The following TTN variants were observed in gnomAD, a reference collection of about 807,000 sequenced individuals.
The protein encoded by TTN is connectin.
TTN carries 1,525 observed loss-of-function variants against 3,223.0 expected under a neutral mutation model. The observed-to-expected ratio is 0.47, with a 90% CI of 0.45 to 0.49. TTN has a LOEUF of 0.49. TTN is among the 20% of genes least tolerant of loss of function. The pLI, the probability that TTN is intolerant of heterozygous loss-of-function variation, is 0.00. For synonymous variants in TTN, 14,094 were observed against 15,161.0 expected, an observed-to-expected ratio of 0.93 and a Z score of 5.17; for missense variants, 40,786 against 43,424.0, an observed-to-expected ratio of 0.94 and a Z score of 5.40.
rs764053971 is a variant in TTN at position 178,571,655 on chromosome 2, A to T, written c.74477T>A (p.Ile24826Asn). The stretch of plus-strand genomic sequence containing the variant: ...CTTGGGTGGGCCCCAGGAAAGAGTA[A>T]TACTATCAGCTGTCACTTCATCCAT... ...VKMDEVTADS[I>N]TLSWGPPKYD... The change falls in exon 326 of 363, where the codon ATT becomes AAT. Residue 24826 changes from isoleucine to asparagine, a missense_variant. Transcript: ENST00000589042. 1 of 1,613,420 alleles carries T rather than the reference A, an allele frequency of 6.2e-7. No homozygotes were observed. Among genetic ancestry groups the T allele is most frequent in the South Asian group, 1.1e-5 (1 of 91,068 alleles).
At position 178,741,628 on chromosome 2, in the gene TTN, C is replaced by G. The variant is rs747929496; in HGVS notation, c.11605G>C (p.Val3869Leu). The G allele has an allele frequency of 6.8e-6, 11 of 1,613,826 alleles. No individual in the cohort carries two copies. The highest frequency in any genetic ancestry group is 8.5e-6 in the Non-Finnish European group (10 of 1,179,794). The change falls in exon 48 of 363, where the codon GTT becomes CTT. Residue 3869 changes from valine (V) to leucine (L), a missense_variant. Coordinates refer to ENST00000589042, the MANE Select transcript of TTN (RefSeq NM_001267550.2). ...LLTPSADYKF[V>L]FDGDDHSLII... is the part of the protein sequence containing the mutation. ...AGGCTATGATCATCACCGTCAAAAA[C>G]AAATTTGTAGTCAGCAGAAGGGGTT...
chr2:178,663,974 A>C, intron 169 of TTN, 41 bp downstream of exon 169: 1 of 1,612,122 alleles, frequency 6.2e-7, no homozygotes, highest in South Asian at 1.1e-5. Context: ...TCAAGAGCAG[A>C]AGAATTAGGT....
In TTN at chr2:178,575,858, C is replaced by T; in HGVS notation, c.70274G>A (p.Ser23425Asn). The T allele has an allele frequency of 6.2e-7, 1 of 1,613,584 alleles. No homozygotes were observed. The highest frequency in any genetic ancestry group is 8.5e-7 in the Non-Finnish European group (1 of 1,179,622). Residue 23425 changes from serine to asparagine, a missense_variant, in exon 326 of 363, where the codon AGT (serine) becomes AAT (asparagine). Transcript: ENST00000589042. This position sits in a 1 kb window ranked among gnomAD's most constrained non-coding sequence, Gnocchi z 4.0. ...CAAGACTCTGACGTTCACAAAGCCA[C>T]TTTTCTTCCCAGCCGGGTTTTCAAT... ...MTIENPAGKK[S>N]GFVNVRVLDT...
At chr2:178,757,456 A>T in intron 45 of TTN, 86 bp downstream of exon 45, 1 of 1,454,832 alleles carries the variant, frequency 6.9e-7, no homozygotes, top group Non-Finnish European at 9.1e-7. Context: ...GTATGCAATA[A>T]AACAAACAGC....
rs11899887 is a variant in TTN, at chr2:178,741,650, G to T, written c.11583C>A (p.Thr3861=). ...AAACAAATTTGTAGTCAGCAGAAGGGGTTAATAGCACTCCATTAAAGAACC... is the reference window on the plus strand; with the variant it reads ...AAACAAATTTGTAGTCAGCAGAAGGTGTTAATAGCACTCCATTAAAGAACC... ...IQWFFNGVLL[T]PSADYKFVFD... The change falls in exon 48 of 363, where the codon ACC becomes ACA. Residue 3861 remains threonine (T), a synonymous_variant. Coordinates refer to ENST00000589042, the MANE Select transcript of TTN (RefSeq NM_001267550.2). The T allele has an allele frequency of 1.2e-6, 2 of 1,613,634 alleles. No homozygotes were observed. The highest frequency in any genetic ancestry group is 1.7e-5 in the Admixed American group (1 of 59,974).
rs982322225 is a variant in TTN at position 178,553,589 on chromosome 2, A to C, written c.89416T>G (p.Tyr29806Asp). ...TTTACAGCAGATACCCGGAAGTAGT[A>C]ATTGACTCCAGGTTTCAGGTTGGAT... Reference protein sequence around the residue: ...VVSNLKPGVNYYFRVSAVNCA... With the variant: ...VVSNLKPGVNDYFRVSAVNCA... Residue 29806 changes from tyrosine to aspartate, a missense_variant, in exon 334 of 363, where the codon TAC (tyrosine) becomes GAC (aspartate). Transcript: ENST00000589042. 1 of 1,613,872 alleles carries C rather than the reference A, an allele frequency of 6.2e-7. No individual in the cohort carries two copies. Among genetic ancestry groups the C allele is most frequent in the Admixed American group, 1.7e-5 (1 of 60,018 alleles).
rs1206527 is a variant in TTN at position 178,549,074 on chromosome 2, A to C, written c.92552T>G (p.Met30851Arg). 9 of 1,613,760 alleles carry C rather than the reference A, an allele frequency of 5.6e-6. No individual in the cohort carries two copies. The African/African-American group carries it at 1.2e-4, about 22-fold the overall frequency. Residue 30851 changes from methionine (M) to arginine (R), a missense_variant, in exon 339 of 363, where the codon ATG becomes AGG. Met to Arg is a moderately conservative substitution (Grantham distance 91). Coordinates refer to ENST00000589042, the MANE Select transcript of TTN (RefSeq NM_001267550.2). ...TTCAATAATATACCCAATTATTTCC[A>C]TGCCACCATCAAACACTGGTTTGGA... ...EWSKPVFDGG[M>R]EIIGYIIEMC...
rs771448420 is a variant in TTN, at chr2:178,537,222, C to T, written c.99887G>A (p.Gly33296Glu). Residue 33296 changes from glycine to glutamate, a missense_variant, in exon 356 of 363, where the codon GGA (glycine) becomes GAA (glutamate). Coordinates refer to ENST00000589042, the MANE Select transcript of TTN (RefSeq NM_001267550.2). The stretch of plus-strand genomic sequence containing the variant: ...CAATAGAGCTTCGATCACAATTGGT[C>T]CTGTAGGTTTGTCTGGTTTATCTGT... ...EIQDKPDKPT[G>E]PIVIEALLKN... 1.2e-6 allele frequency: 2 copies of T among 1,602,550 alleles called. No homozygotes were observed. Among genetic ancestry groups the T allele is most frequent in the Non-Finnish European group, 1.7e-6 (2 of 1,172,176 alleles).
rs72646829 is a variant in TTN at position 178,598,695 on chromosome 2, A to G, written c.56963-41T>C. ...ATACGTTAGTATTCTTGACTTTTCC[A>G]AGGCACTTTTGGAAAATAAGATTTA... is the stretch of plus-strand genomic sequence containing the variant. On this transcript the variant is annotated intron_variant, in intron 291 of 362. Transcript: ENST00000589042. The G allele has an allele frequency of 7.5e-3, 11,996 of 1,601,890 alleles. 53 individuals carry two copies. The highest frequency in any genetic ancestry group is 9.0e-3 in the Non-Finnish European group (10,548 of 1,176,714).
Position 178,552,483 on chromosome 2 carries a change from T to C in TTN, c.90417A>G (p.Ala30139=). 6.2e-7 allele frequency: 1 copy of C among 1,612,130 alleles called. No individual in the cohort carries two copies. Residue 30139 remains alanine, a synonymous_variant, in exon 335 of 363, where the codon GCA becomes GCG. Transcript: ENST00000589042. ...PEVDLSDIPG[A]QVTVRIGHNV... ...TGTGCCCAATTCTCACAGTGACTTG[T>C]GCCCCAGGGATATCTGACAGGTCAA...
At position 178,528,381 on chromosome 2, in the gene TTN, T is replaced by C. The variant is rs932225386; in HGVS notation, c.107270A>G (p.Tyr35757Cys). Residue 35757 changes from tyrosine to cysteine, a missense_variant, in exon 361 of 363, where the codon TAC (tyrosine) becomes TGC (cysteine). Transcript: ENST00000589042. ...NVSISRSRNVYSLEIRNASVS... is the reference protein window; with the variant it reads ...NVSISRSRNVCSLEIRNASVS... ...TGATGCATTTCGGATTTCAAGGGAGTATACATTTCTGGAGCGGCTTATGCT... is the reference window on the plus strand; with the variant it reads ...TGATGCATTTCGGATTTCAAGGGAGCATACATTTCTGGAGCGGCTTATGCT... 3 of 1,613,830 alleles carry C rather than the reference T, an allele frequency of 1.9e-6. No individual in the cohort carries two copies. The highest frequency in any genetic ancestry group is 1.7e-5 in the Admixed American group (1 of 60,004).
At position 178,551,212 on chromosome 2, in the gene TTN, G is replaced by A. The variant is rs1446052860; in HGVS notation, c.91319C>T (p.Thr30440Ile). The change falls in exon 336 of 363, where the codon ACA (threonine) becomes ATA (isoleucine). Residue 30440 changes from threonine (T) to isoleucine (I), a missense_variant. Physicochemically the swap from Thr to Ile is moderately conservative, Grantham distance 89. Transcript: ENST00000589042. ...ACGCAATGGTGGGTTCCATTTAAGT[G>A]TGATGGTTTCCCGGGTGACATCAAT... ...DYIDVTRETI[T>I]LKWNPPLRDG... The A allele has an allele frequency of 1.2e-6, 2 of 1,613,492 alleles. No individual in the cohort carries two copies. The highest frequency in any genetic ancestry group is 4.5e-5 in the East Asian group (2 of 44,852).
At position 178,619,080 on chromosome 2, in the gene TTN, TAA is replaced by T. The variant is rs2057853779; in HGVS notation, c.46697-229_46697-228del. The stretch of plus-strand genomic sequence containing the variant: ...GAGGATTGAGAATGGCATAAAATCA[TAA>T]GACATGCATTCCTTGCCAAAAATAG... On this transcript the variant is annotated intron_variant, in intron 250 of 362. Transcript: ENST00000589042. 6.7e-6 allele frequency: 4 copies of T among 595,754 alleles called. No homozygotes were observed. The East Asian group carries it at 1.2e-4, about 18-fold the overall frequency. 36.9% of individuals were successfully genotyped at this position (595,754 alleles called of 1,614,324 possible). A position where few individuals can be genotyped will look rare whatever the true frequency, so the allele number is the denominator to read the frequency against.
rs762404146 is a variant in TTN, at chr2:178,697,155, C to T, written c.30768G>A (p.Lys10256=). 6 of 1,544,198 alleles carry T rather than the reference C, an allele frequency of 3.9e-6. No individual in the cohort carries two copies. The South Asian group carries it at 6.2e-5, about 16-fold the overall frequency. Reference sequence around the variant, plus strand: ...GAATTAAGGTAGTAGGAGGTGGAGGCTTCTTGACAATCTCTGGGAGTTTAA... The same window carrying T: ...GAATTAAGGTAGTAGGAGGTGGAGGTTTCTTGACAATCTCTGGGAGTTTAA... ...EMTPREEIVK[K]PPPPTTLIPA... Residue 10256 remains lysine (K), a synonymous_variant, in exon 113 of 363, where the codon AAG becomes AAA. Transcript: ENST00000589042.
In TTN at chr2:178,711,116, T is replaced by C. The variant is rs886038863; in HGVS notation, c.28120A>G (p.Thr9374Ala). 5 of 1,613,652 alleles carry C rather than the reference T, an allele frequency of 3.1e-6. No individual in the cohort carries two copies. The highest frequency in any genetic ancestry group is 4.2e-6 in the Non-Finnish European group (5 of 1,179,742). Residue 9374 changes from threonine (T) to alanine (A), a missense_variant, in exon 97 of 363, where the codon ACA becomes GCA. Coordinates refer to ENST00000589042, the MANE Select transcript of TTN (RefSeq NM_001267550.2). ...DRSLAGQYSC[T>A]ATNPIGSASS... ...GCAGAGCCTATAGGGTTTGTAGCTG[T>C]GCAGGAATACTGGCCTGCAAGGCTC...
At chr2:178,728,815 G>C in intron 65 of TTN, 37 bp from the exon 66 acceptor site, 1 of 1,580,370 alleles carries the variant, frequency 6.3e-7, no homozygotes, top group South Asian at 1.2e-5. Context: ...AGTTACATTG[G>C]TAACTCCACT....
At chr2:178,734,189 T>TC in intron 52 of TTN, 139 bp downstream of exon 52, 1 of 1,056,412 alleles carries the variant, frequency 9.5e-7, no homozygotes, top group Non-Finnish European at 1.3e-6. Context: ...CTGACTTTGT[T>TC]CCCAAGGTCC....
Position 178,599,744 on chromosome 2 carries a change from A to C in TTN, c.56157T>G (p.Phe18719Leu), listed in dbSNP as rs1038577765. 2 of 1,612,874 alleles carry C rather than the reference A, an allele frequency of 1.2e-6. No individual in the cohort carries two copies. Among genetic ancestry groups the C allele is most frequent in the Non-Finnish European group, 1.7e-6 (2 of 1,179,314 alleles). The change falls in exon 289 of 363, where the codon TTT becomes TTG. Residue 18719 changes from phenylalanine to leucine, a missense_variant. Phe to Leu is a conservative substitution (Grantham distance 22, BLOSUM62 0). Transcript: ENST00000589042. ...TATCAGGCTTCTTTGGAGGAGCTTTAAACCAGGTTAGTGTCGGGAATGGCA... is the reference window on the plus strand; with the variant it reads ...TATCAGGCTTCTTTGGAGGAGCTTTCAACCAGGTTAGTGTCGGGAATGGCA... ...KGVPFPTLTW[F>L]KAPPKKPDNK...
Position 178,552,320 on chromosome 2 carries a change from C to A in TTN, c.90580G>T (p.Ala30194Ser), listed in dbSNP as rs879039246. 6.2e-7 allele frequency: 1 copy of A among 1,610,070 alleles called. No homozygotes were observed. The highest frequency in any genetic ancestry group is 8.5e-7 in the Non-Finnish European group (1 of 1,178,426). The change falls in exon 335 of 363, where the codon GCC (alanine) becomes TCC (serine). Residue 30194 changes from alanine to serine, a missense_variant. Transcript: ENST00000589042. ...TATTTTCCTCCATGCTCCTTCTTGG[C>A]ATTCTTAATACTCAAAGTAATTTTG... ...ENKITLSIKN[A>S]KKEHGGKYTV...
Sources: allele counts gnomAD v4.1 joint callset, GRCh38; gene constraint gnomAD v4.1.1; non-coding constraint Gnocchi (gnomAD v3.1); transcripts MANE v1.5; gene names NCBI Gene and HGNC (gene_info 2026-07-23, HGNC 2026-07-21).